LRRIQ1: variants seen among roughly 807,000 people sequenced by gnomAD.
LRRIQ1 encodes the protein leucine-rich repeat- and IQ domain-containing protein 1.
A neutral mutation model predicts 211.9 loss-of-function variants in LRRIQ1; 210 were observed. That is an observed-to-expected ratio of 0.99 (90% CI 0.89 to 1.11). The LOEUF (loss-of-function observed/expected upper bound fraction) is 1.11. Among genes scored for constraint, LRRIQ1 ranks in the 50% most tolerant of loss-of-function variants. The pLI, the probability that LRRIQ1 is intolerant of heterozygous loss-of-function variation, is 0.00. For missense variants in LRRIQ1, 2,136 were observed against 1,939.5 expected, an observed-to-expected ratio of 1.10 and a Z score of -1.90; for synonymous variants, 699 against 650.1, an observed-to-expected ratio of 1.08 and a Z score of -1.14.
At chr12:85,043,462 A>G (rs1425663691) in intron 3 of LRRIQ1, among the ~76,000 whole-genome samples, 1 of 152,076 alleles carries the variant, frequency 6.6e-6, no homozygotes, top group Non-Finnish European at 1.5e-5. Context: ...GAAGTGTTCT[A>G]CAGCAAAATA....
chr12:85,194,608 A>T lies in LRRIQ1; in HGVS notation c.4822+33894A>T, dbSNP rs1235698834. Among the ~76,000 whole-genome samples, 4 of 151,906 alleles carry T rather than the reference A, an allele frequency of 2.6e-5. No individual in the cohort carries two copies. In the East Asian group the frequency reaches 7.7e-4, roughly 29 times the overall value. On this transcript the variant is annotated intron_variant, in intron 24 of 26. Coordinates refer to ENST00000393217, the MANE Select transcript of LRRIQ1 (RefSeq NM_001079910.2). ...TAACAAAATGAAGGCAGAAATAAAG[A>T]TGTTCTTTGAAACCAACGAGAACAA...
intron 24 of LRRIQ1, among the ~76,000 whole-genome samples, chr12:85,211,728 A>C (rs1234667915): frequency 1.3e-5 from 2 of 152,274 alleles, no homozygotes; most frequent in East Asian, 3.9e-4. Flanking sequence ...TTAAAATGGT[A>C]ATAGTCACTT....
chr12:85,063,954 TG>T (rs1253676626), intron 8 of LRRIQ1, among the ~76,000 whole-genome samples: 2 of 151,844 alleles, frequency 1.3e-5, no homozygotes, highest in African/African-American at 4.8e-5. Context: ...ACACTTAGGT[TG>T]CTTCTAAATC....
chr12:85,055,281 A>G (rs1288429650), intron 7 of LRRIQ1, among the ~76,000 whole-genome samples: 1 of 151,862 alleles, frequency 6.6e-6, no homozygotes, highest in African/African-American at 2.4e-5. Flanking sequence ...TATGCTTTCT[A>G]TCTTCAAGGA....
intron 24 of LRRIQ1, among the ~76,000 whole-genome samples, chr12:85,191,100 C>A (rs542684770): frequency 6.6e-6 from 1 of 151,884 alleles, no homozygotes; most frequent in Non-Finnish European, 1.5e-5. Context: ...TCATGTACTC[C>A]GCAAATGTAC....
chr12:85,106,307 A>G (rs1017265570), intron 14 of LRRIQ1, among the ~76,000 whole-genome samples: 1 of 152,196 alleles, frequency 6.6e-6, no homozygotes, highest in Non-Finnish European at 1.5e-5. Context: ...CAGATTTGCA[A>G]AAGTTCACAC....
chr12:85,236,415 A>G (rs1053945443), intron 26 of LRRIQ1, among the ~76,000 whole-genome samples: 6 of 152,150 alleles, frequency 3.9e-5, no homozygotes, highest in African/African-American at 1.4e-4. Context: ...CATTAGAAAA[A>G]TAATATAAAT....
intron 1 of LRRIQ1, among the ~76,000 whole-genome samples, chr12:85,260,775 T>C: frequency 6.6e-6 from 1 of 152,168 alleles, no homozygotes; most frequent in South Asian, 2.1e-4. Context: ...TGGACCAAAG[T>C]AGACATTCCA....
At chr12:85,197,931 AATTATATATATTTATATATAATTATAT>A (rs1893031268) in intron 24 of LRRIQ1, among the ~76,000 whole-genome samples, 1 of 111,650 alleles carries the variant, frequency 9.0e-6, no homozygotes, top group Non-Finnish European at 1.8e-5. Context: ...TATATAATAT[AATTATATATATTTATATATAATTATAT>A]ATTATATATA....
At chr12:85,167,218 A>G (rs1474458503) in intron 24 of LRRIQ1, among the ~76,000 whole-genome samples, 3 of 152,192 alleles carry the variant, frequency 2.0e-5, no homozygotes, top group Admixed American at 1.3e-4. Context: ...TGTGTCCTGA[A>G]TAAACTTTTA....
chr12:85,042,720 A>G (rs1211745968), intron 3 of LRRIQ1, among the ~76,000 whole-genome samples: 3 of 151,818 alleles, frequency 2.0e-5, no homozygotes, highest in Non-Finnish European at 4.4e-5. Context: ...AATTATTTGA[A>G]AAAGTGAAAA....
chr12:85,217,381 A>G (rs547430997), intron 24 of LRRIQ1, among the ~76,000 whole-genome samples: 2 of 148,480 alleles, frequency 1.3e-5, no homozygotes, highest in African/African-American at 5.0e-5. Flanking sequence ...CTTGTCCCTC[A>G]ATTAATAAAT....
downstream of LRRIQ1, among the ~76,000 whole-genome samples, chr12:85,265,841 C>T (rs1468657169): frequency 2.0e-5 from 3 of 151,688 alleles, no homozygotes; most frequent in Non-Finnish European, 1.5e-5. Flanking sequence ...TTCTGTTGGA[C>T]GACACTAACC....
rs1240173919 is a variant in LRRIQ1, at chr12:85,056,714, G to A, written c.1921G>A (p.Glu641Lys). The A allele has an allele frequency of 1.9e-6, 3 of 1,607,024 alleles. No homozygotes were observed. Among genetic ancestry groups the A allele is most frequent in the Non-Finnish European group, 1.7e-6 (2 of 1,178,170 alleles). Residue 641 changes from glutamate to lysine, a missense_variant, in exon 8 of 27, where the codon GAA (glutamate) becomes AAA (lysine). By Grantham distance (56) the Glu-to-Lys change is moderately conservative (BLOSUM62 1). Transcript: ENST00000393217. ...AAAAGAAATTTATTCAAAATCCAAA[G>A]AAATTGAGGAGAACCCAAAAGACAA... ...QEKEIYSKSKEIEENPKDNAW... is the reference protein window; with the variant it reads ...QEKEIYSKSKKIEENPKDNAW...
At chr12:85,042,375 TTTAAA>T (rs1373520252) in intron 3 of LRRIQ1, among the ~76,000 whole-genome samples, 1 of 149,208 alleles carries the variant, frequency 6.7e-6, no homozygotes, top group Non-Finnish European at 1.5e-5. Flanking sequence ...TCGTTAATTA[TTTAAA>T]TTATTTAAAA....
chr12:85,257,355 C>T (rs1254417488), intron 1 of LRRIQ1, among the ~76,000 whole-genome samples: 1 of 147,708 alleles, frequency 6.8e-6, no homozygotes, highest in East Asian at 2.0e-4. Flanking sequence ...CTGAATAGAG[C>T]CCTGAAGAGG....
intron 13 of LRRIQ1, among the ~76,000 whole-genome samples, chr12:85,102,953 A>ATATAT (rs1555207709): frequency 3.5e-4 from 42 of 118,778 alleles, no homozygotes; most frequent in African/African-American, 1.2e-3. Flanking sequence ...GCAAAAAAAA[A>ATATAT]AAAAAAATAT....
intron 10 of LRRIQ1, among the ~76,000 whole-genome samples, chr12:85,070,454 T>C (rs1882965998): frequency 6.6e-6 from 1 of 152,004 alleles, no homozygotes; most frequent in African/African-American, 2.4e-5. Context: ...TAGAACTATT[T>C]TGTTATCCTG....
At chr12:85,168,533 C>G (rs1592915961) in intron 24 of LRRIQ1, among the ~76,000 whole-genome samples, 1 of 152,244 alleles carries the variant, frequency 6.6e-6, no homozygotes, top group South Asian at 2.1e-4. Context: ...ACTAAGACCT[C>G]TAGGCCAGCA....
Sources: gnomAD v4.1 joint callset for allele counts (sites outside exome capture counted in the v4.1 genomes callset) on GRCh38, gnomAD v4.1.1 for gene constraint, MANE v1.5 for transcripts, NCBI Gene and HGNC (gene_info 2026-07-23, HGNC 2026-07-21) for gene names.